ZNF407: variants seen among roughly 807,000 people sequenced by gnomAD.
ZNF407 encodes zinc finger protein 407.
In ZNF407, 17 loss-of-function variants were observed where a neutral mutation model predicts 131.2. The ratio of observed to expected loss-of-function variants is 0.13; its 90% CI spans 0.09 to 0.19. ZNF407 has a LOEUF of 0.19. Among genes scored for constraint, ZNF407 ranks in the 10% least tolerant of loss-of-function variants. The pLI is 1.00. For missense variants in ZNF407, 2,681 were observed against 2,830.6 expected (o/e 0.95, Z 1.20); for synonymous variants, 1,156 against 1,062.0 (o/e 1.09, Z -1.72).
At chr18:74,884,353 C>A (rs1212588623) in intron 6 of ZNF407, among the ~76,000 whole-genome samples, 2 of 152,128 alleles carry the variant, frequency 1.3e-5, no homozygotes, top group Non-Finnish European at 1.5e-5. Context: ...GAAGAATTAC[C>A]AAATTATGTA....
Position 74,989,842 on chromosome 18 carries a change from C to CA in ZNF407, c.5428+69166dup, listed in dbSNP as rs34483149. Among the ~76,000 whole-genome samples, 240 of 103,340 alleles carry CA rather than the reference C, an allele frequency of 2.3e-3. 1 individual carries two copies. Among genetic ancestry groups the CA allele is most frequent in the South Asian group, 7.2e-3 (23 of 3,182 alleles). The allele number at this position is 103,340 out of a possible 152,430, so 67.8% of individuals were successfully genotyped here. A position where few individuals can be genotyped will look rare whatever the true frequency, so the allele number is the denominator to read the frequency against. On this transcript the variant is annotated intron_variant, in intron 8 of 8. Transcript: ENST00000299687. ...TGGGCGACAGAGCGAAACTCTGTCTCAAAAAAAAAAAAAAAATTCTATTTC... is the reference window on the plus strand; with the variant it reads ...TGGGCGACAGAGCGAAACTCTGTCTCAAAAAAAAAAAAAAAAATTCTATTTC...
chr18:74,626,413 T>A (rs944407013), intron 1 of ZNF407, among the ~76,000 whole-genome samples: 1 of 152,220 alleles, frequency 6.6e-6, no homozygotes, highest in Non-Finnish European at 1.5e-5. Flanking sequence ...TGGATATTCT[T>A]GCTCAAGTAT....
At chr18:74,836,442 G>A (rs1342462241) in intron 4 of ZNF407, among the ~76,000 whole-genome samples, 1 of 152,180 alleles carries the variant, frequency 6.6e-6, no homozygotes, top group Non-Finnish European at 1.5e-5. Flanking sequence ...GTGTGTATTT[G>A]GGGAATGCCT....
At chr18:74,940,170 T>C (rs1972080779) in intron 8 of ZNF407, among the ~76,000 whole-genome samples, 2 of 152,168 alleles carry the variant, frequency 1.3e-5, no homozygotes, top group South Asian at 2.1e-4. Flanking sequence ...ACAGAACATA[T>C]GTGATTGCAG....
chr18:74,621,304 T>G (rs1983499354), intron 1 of ZNF407, among the ~76,000 whole-genome samples: 1 of 152,088 alleles, frequency 6.6e-6, no homozygotes, highest in Non-Finnish European at 1.5e-5. Context: ...GGCCAAAACA[T>G]AGTTGCTTAA....
At chr18:74,968,687 T>G (rs950683073) in intron 8 of ZNF407, among the ~76,000 whole-genome samples, 1 of 152,232 alleles carries the variant, frequency 6.6e-6, no homozygotes, top group Non-Finnish European at 1.5e-5. Context: ...AATACCTTGT[T>G]TCTTTCTGGT....
chr18:74,659,721 T>C (rs963766361), intron 3 of ZNF407, among the ~76,000 whole-genome samples: 2 of 152,178 alleles, frequency 1.3e-5, no homozygotes, highest in Non-Finnish European at 2.9e-5. Context: ...GGGCAGGTTT[T>C]GCATTTTGAA....
At chr18:74,926,010 A>C (rs1023895435) in intron 8 of ZNF407, among the ~76,000 whole-genome samples, 14 of 152,208 alleles carry the variant, frequency 9.2e-5, no homozygotes, top group Admixed American at 2.6e-4. Flanking sequence ...TTCACCACTA[A>C]CAAAAGACTT....
intron 4 of ZNF407, among the ~76,000 whole-genome samples, chr18:74,873,712 TA>T (rs71170328): frequency 0.014 from 2,009 of 140,474 alleles, 14 homozygotes; most frequent in Middle Eastern, 0.025. Context: ...CCCTGGCTCT[TA>T]AAAAAAAAAA....
chr18:74,748,022 A>G (rs1968711313), intron 3 of ZNF407, among the ~76,000 whole-genome samples: 1 of 152,160 alleles, frequency 6.6e-6, no homozygotes, highest in Non-Finnish European at 1.5e-5. Context: ...TTTTAGGATT[A>G]TAAAAGCTGT....
At chr18:74,653,131 C>A (rs1239597478) in intron 3 of ZNF407, among the ~76,000 whole-genome samples, 1 of 151,850 alleles carries the variant, frequency 6.6e-6, no homozygotes, top group Non-Finnish European at 1.5e-5. Flanking sequence ...TTAAGCCTAT[C>A]AAGATAGCCA....
At chr18:75,015,513 AAT>A (rs1568301586) in intron 8 of ZNF407, among the ~76,000 whole-genome samples, 1 of 148,008 alleles carries the variant, frequency 6.8e-6, no homozygotes, top group Non-Finnish European at 1.5e-5. Flanking sequence ...ATATATATAT[AAT>A]ATATATGTTT....
rs939970142 is a variant in ZNF407 at position 74,862,557 on chromosome 18, A to G, written c.4878-14640A>G. On this transcript the variant is annotated intron_variant, in intron 4 of 8. Transcript: ENST00000299687. ...GTTTTGTTTGCCGAAGTACCAAGATATAAAATGCATTTATGTAGTACTGTA... is the reference window on the plus strand; with the variant it reads ...GTTTTGTTTGCCGAAGTACCAAGATGTAAAATGCATTTATGTAGTACTGTA... Among the ~76,000 whole-genome samples, 4 of 152,246 alleles carry G rather than the reference A, an allele frequency of 2.6e-5. 1 individual carries two copies. In the South Asian group the frequency reaches 8.3e-4, roughly 32 times the overall value.
chr18:75,017,155 T>C (rs1447269265), intron 8 of ZNF407, among the ~76,000 whole-genome samples: 11 of 152,144 alleles, frequency 7.2e-5, no homozygotes, highest in Admixed American at 5.2e-4. Flanking sequence ...TAAAATTACA[T>C]GTAGGAAATT....
intron 8 of ZNF407, among the ~76,000 whole-genome samples, chr18:75,038,707 G>A (rs1973338711): frequency 6.6e-6 from 1 of 152,286 alleles, no homozygotes; most frequent in East Asian, 1.9e-4. Context: ...ATGGAGAAGT[G>A]CCTTTTCAGG....
intron 7 of ZNF407, among the ~76,000 whole-genome samples, chr18:74,897,236 G>A (rs902153857): frequency 6.6e-6 from 1 of 152,260 alleles, no homozygotes; most frequent in African/African-American, 2.4e-5. Context: ...AAAACAAATA[G>A]ATTCCATAGC....
intron 4 of ZNF407, among the ~76,000 whole-genome samples, chr18:74,875,861 T>G (rs931587029): frequency 6.6e-6 from 1 of 152,186 alleles, no homozygotes; most frequent in Non-Finnish European, 1.5e-5. Flanking sequence ...CTTAAATATT[T>G]AACTATTTTT....
chr18:74,939,782 A>C (rs1476915540), intron 8 of ZNF407, among the ~76,000 whole-genome samples: 1 of 152,214 alleles, frequency 6.6e-6, no homozygotes, highest in East Asian at 1.9e-4. Flanking sequence ...TATTCTCAAG[A>C]CCTCACTGAT....
intron 8 of ZNF407, among the ~76,000 whole-genome samples, chr18:74,923,685 A>G (rs1971875654): frequency 6.6e-6 from 1 of 152,208 alleles, no homozygotes; most frequent in African/African-American, 2.4e-5. Context: ...TTGAAAATAT[A>G]TCACTAAATA....
Sources: gnomAD v4.1 joint callset for allele counts (sites outside exome capture counted in the v4.1 genomes callset) on GRCh38, gnomAD v4.1.1 for gene constraint, MANE v1.5 for transcripts, NCBI Gene and HGNC (gene_info 2026-07-23, HGNC 2026-07-21) for gene names.